DPP6: variants seen among roughly 807,000 people sequenced by gnomAD.
DPP6 encodes dipeptidyl peptidase like 6, also known as A-type potassium channel modulatory protein DPP6.
In DPP6, 69 loss-of-function variants were observed where a neutral mutation model predicts 122.6. The observed-to-expected ratio is 0.56, with a 90% CI of 0.46 to 0.69. The LOEUF (loss-of-function observed/expected upper bound fraction) is 0.69, where lower values mean the gene tolerates loss of function less well. Among genes scored for constraint, DPP6 ranks in the 30% least tolerant of loss-of-function variants. DPP6 has a pLI of 0.00. For missense variants in DPP6, 928 were observed against 1,116.9 expected, an observed-to-expected ratio of 0.83 and a Z score of 2.41; for synonymous variants, 418 against 433.1, an observed-to-expected ratio of 0.97 and a Z score of 0.43.
the DPP6 span, among the ~76,000 whole-genome samples, chr7:153,854,250 C>T: frequency 3.3e-5 from 5 of 151,884 alleles, no homozygotes; most frequent in African/African-American, 7.3e-5. Context: ...TTACTGTAGC[C>T]TTGTAGTATA....
chr7:154,689,520 T>C (rs1839819058), intron 7 of DPP6, among the ~76,000 whole-genome samples: 1 of 152,148 alleles, frequency 6.6e-6, no homozygotes, highest in Non-Finnish European at 1.5e-5. Flanking sequence ...TAGATGTGAT[T>C]GATTGGGATG....
chr7:154,413,512 G>T (rs1816788617), intron 1 of DPP6, among the ~76,000 whole-genome samples: 1 of 152,126 alleles, frequency 6.6e-6, no homozygotes, highest in Non-Finnish European at 1.5e-5. Flanking sequence ...TTTTTCTAGA[G>T]CGAATATATA....
intron 1 of DPP6, among the ~76,000 whole-genome samples, chr7:154,108,218 G>C (rs183078421): frequency 6.6e-6 from 1 of 152,092 alleles, no homozygotes; most frequent in African/African-American, 2.4e-5. Flanking sequence ...TAGGGACTGG[G>C]CAAGAGGTGA....
At chr7:153,927,202 A>G (rs1028391329) in intron 1 of DPP6, among the ~76,000 whole-genome samples, 1 of 152,106 alleles carries the variant, frequency 6.6e-6, no homozygotes, top group Non-Finnish European at 1.5e-5. Context: ...AGCTCTAACT[A>G]CTCAGAAGGC....
At position 154,637,888 on chromosome 7, in the gene DPP6, T is replaced by C. The variant is rs1470942217; in HGVS notation, c.680+15T>C. 2.6e-6 allele frequency: 4 copies of C among 1,561,962 alleles called. No individual in the cohort carries two copies. The highest frequency in any genetic ancestry group is 3.5e-6 in the Non-Finnish European group (4 of 1,151,490). On this transcript the variant is annotated intron_variant, in intron 6 of 25. Coordinates refer to ENST00000377770, the MANE Select transcript of DPP6 (RefSeq NM_130797.4). ...ATTCCTCATGGGTAAGAGTGTTCTT[T>C]TCTTTCTTTTAATTAGAAATATGCA...
At chr7:154,196,004 G>A (rs573792388) in intron 1 of DPP6, among the ~76,000 whole-genome samples, 270 of 152,268 alleles carry the variant, frequency 1.8e-3, no homozygotes, top group African/African-American at 6.0e-3. Context: ...ATGTACTCCT[G>A]TTGGTATTAG....
intron 3 of DPP6, among the ~76,000 whole-genome samples, chr7:154,524,701 C>T (rs1827264053): frequency 6.6e-6 from 1 of 152,168 alleles, no homozygotes; most frequent in Admixed American, 6.5e-5. Flanking sequence ...CAGCCCGCTT[C>T]TACTTACTGA....
At chr7:153,781,832 T>C in the DPP6 span, among the ~76,000 whole-genome samples, 75 of 152,182 alleles carry the variant, frequency 4.9e-4, no homozygotes, top group African/African-American at 1.8e-3. Context: ...AATTCAGTCA[T>C]CTTAAAGATA....
the DPP6 span, among the ~76,000 whole-genome samples, chr7:153,843,144 A>ACG: frequency 6.6e-6 from 1 of 151,926 alleles, no homozygotes; most frequent in Non-Finnish European, 1.5e-5. Context: ...GCATACAGAC[A>ACG]CGTGCATGCA....
intron 1 of DPP6, among the ~76,000 whole-genome samples, chr7:154,068,009 A>C (rs1802862045): frequency 6.7e-6 from 1 of 149,578 alleles, no homozygotes; most frequent in African/African-American, 2.5e-5. Flanking sequence ...CAGTCCTCCC[A>C]CCTCGGTCTC....
chr7:154,368,989 C>T (rs73495210), intron 1 of DPP6, among the ~76,000 whole-genome samples: 4,453 of 152,216 alleles, frequency 0.029, 125 homozygotes, highest in African/African-American at 0.066. Context: ...TGAAGGTGGA[C>T]CATGACCTCC....
chr7:154,107,706 G>GT (rs1168585749), intron 1 of DPP6, among the ~76,000 whole-genome samples: 7 of 152,306 alleles, frequency 4.6e-5, no homozygotes, highest in African/African-American at 1.7e-4. Context: ...TTATTTGTCA[G>GT]TTTTAAACAT....
At chr7:154,805,883 C>T (rs1174150509) in intron 15 of DPP6, among the ~76,000 whole-genome samples, 1 of 152,198 alleles carries the variant, frequency 6.6e-6, no homozygotes, top group Non-Finnish European at 1.5e-5. Context: ...CACCTAAAGG[C>T]ACCTGGGCCG....
the DPP6 span, among the ~76,000 whole-genome samples, chr7:153,878,926 A>T: frequency 1.3e-3 from 193 of 152,228 alleles, 3 homozygotes; most frequent in African/African-American, 4.1e-3. Context: ...GAGGTAAAGA[A>T]ATAAAGATAA....
At chr7:153,813,897 AGTTC>A in the DPP6 span, among the ~76,000 whole-genome samples, 4 of 151,800 alleles carry the variant, frequency 2.6e-5, no homozygotes, top group African/African-American at 9.7e-5. Context: ...TGTAAATTTG[AGTTC>A]ATTGTAGATT....
rs1491447277 is a variant in DPP6 at position 154,313,686 on chromosome 7, T to TGTGTGTGTGTATAC, written c.244-132528_244-132527insGTGTGTGTGTATAC. 2.7e-3 allele frequency among the ~76,000 whole-genome samples: 21 copies of TGTGTGTGTGTATAC among 7,806 alleles called. 1 individual carries two copies. The highest frequency in any genetic ancestry group is 4.1e-3 in the Non-Finnish European group (20 of 4,878). 5.1% of individuals were successfully genotyped at this position (7,806 alleles called of 152,430 possible). On this transcript the variant is annotated intron_variant, in intron 1 of 25. Transcript: ENST00000377770. ...AGCAACAAGATATTTTAAGATATGG[T>TGTGTGTGTGTATAC]ATATATATATATATATATATATATA...
intron 6 of DPP6, among the ~76,000 whole-genome samples, chr7:154,659,936 C>G (rs1430211927): frequency 2.0e-5 from 3 of 152,228 alleles, no homozygotes; most frequent in African/African-American, 4.8e-5. Context: ...ACGAGGGTAG[C>G]TATTGTCCCC....
intron 1 of DPP6, among the ~76,000 whole-genome samples, chr7:154,375,912 C>T (rs1813087886): frequency 6.6e-6 from 1 of 152,170 alleles, no homozygotes; most frequent in East Asian, 1.9e-4. Flanking sequence ...GAGTCACTTC[C>T]TTCACACTCA....
At chr7:154,435,136 T>A (rs1052655642) in intron 1 of DPP6, among the ~76,000 whole-genome samples, 1 of 152,246 alleles carries the variant, frequency 6.6e-6, no homozygotes, top group South Asian at 2.1e-4. Context: ...CATTCCTGGC[T>A]GAGAATTTCA....
Sources: allele counts gnomAD v4.1 joint callset (sites outside exome capture counted in the v4.1 genomes callset), GRCh38; gene constraint gnomAD v4.1.1; transcripts MANE v1.5; gene names NCBI Gene and HGNC (gene_info 2026-07-23, HGNC 2026-07-21).